The following PAM variants were observed in gnomAD, a reference collection of about 807,000 sequenced individuals.
PAM encodes peptidyl-glycine alpha-amidating monooxygenase.
In PAM, 72 loss-of-function variants were observed where a neutral mutation model predicts 122.1. The observed-to-expected ratio is 0.59, with a 90% CI of 0.49 to 0.72. The LOEUF (loss-of-function observed/expected upper bound fraction) is 0.72, where lower values mean the gene tolerates loss of function less well. PAM is among the 30% of genes least tolerant of loss of function. The probability of loss-of-function intolerance (pLI) is 0.00; values close to 1 mark genes in which losing one functional copy is unlikely to be tolerated. For missense variants in PAM, 1,106 were observed against 1,183.7 expected, an observed-to-expected ratio of 0.93 and a Z score of 0.96; for synonymous variants, 389 against 404.4, an observed-to-expected ratio of 0.96 and a Z score of 0.46.
intron 21 of PAM, among the ~76,000 whole-genome samples, chr5:103,016,210 C>T (rs1206792309): frequency 6.6e-6 from 1 of 152,112 alleles, no homozygotes; most frequent in African/African-American, 2.4e-5. Context: ...TCTCATTTTT[C>T]TTTTCAGTGT....
intron 7 of PAM, among the ~76,000 whole-genome samples, chr5:102,938,470 T>C (rs1754009179): frequency 6.6e-6 from 1 of 152,152 alleles, no homozygotes; most frequent in Non-Finnish European, 1.5e-5. Context: ...AATTCAACAT[T>C]GAGCAGAGCG....
intron 4 of PAM, among the ~76,000 whole-genome samples, chr5:102,903,965 C>T (rs1798778596): frequency 6.6e-6 from 1 of 151,478 alleles, no homozygotes; most frequent in African/African-American, 2.4e-5. Context: ...ACCATCTTAA[C>T]AAAACAAATA....
chr5:102,877,586 G>A (rs1012116278), intron 3 of PAM, among the ~76,000 whole-genome samples: 4 of 152,080 alleles, frequency 2.6e-5, no homozygotes, highest in African/African-American at 9.7e-5. Flanking sequence ...CTAGAAATAC[G>A]GCTGTAAACA....
intron 12 of PAM, among the ~76,000 whole-genome samples, chr5:102,954,458 A>T (rs1179018535): frequency 6.6e-6 from 1 of 151,834 alleles, no homozygotes; most frequent in Non-Finnish European, 1.5e-5. Context: ...AACTACTTTA[A>T]AAGTAGGTAT....
intron 1 of PAM, among the ~76,000 whole-genome samples, chr5:102,831,071 GCC>G (rs59666808): frequency 0.68 from 103,275 of 151,826 alleles, 35,364 homozygotes; most frequent in South Asian, 0.82. Flanking sequence ...TCACTTGGAG[GCC>G]ATAAATTTGA....
In PAM at chr5:103,029,330, A is replaced by T. The variant is rs1785887179; in HGVS notation, c.*265A>T. ...TTTTCCATCATAATTCTAATCTAAC[A>T]ATGGAAGATTTGCCCATTTACACTT... On this transcript the variant is annotated 3_prime_UTR_variant, in exon 26 of 26. Coordinates refer to ENST00000438793, the MANE Select transcript of PAM (RefSeq NM_001177306.2). 3.2e-6 allele frequency: 1 copy of T among 308,622 alleles called. No homozygotes were observed. The highest frequency in any genetic ancestry group is 2.1e-5 in the African/African-American group (1 of 46,594). The allele number at this position is 308,622 out of a possible 1,614,324, so 19.1% of individuals were successfully genotyped here.
intron 1 of PAM, among the ~76,000 whole-genome samples, chr5:102,820,841 T>G (rs1416012899): frequency 6.6e-6 from 1 of 152,104 alleles, no homozygotes; most frequent in Non-Finnish European, 1.5e-5. Context: ...GAACAAAGAA[T>G]AAAGGAATTA....
chr5:102,913,307 A>G (rs1012810698), intron 4 of PAM, among the ~76,000 whole-genome samples: 1 of 152,010 alleles, frequency 6.6e-6, no homozygotes, highest in South Asian at 2.1e-4. Flanking sequence ...AGAAAACGAG[A>G]AATGTCATTC....
rs548069224 is a variant in PAM at position 102,822,158 on chromosome 5, C to T, written c.-373-43665C>T. On this transcript the variant is annotated intron_variant, in intron 1 of 25. Transcript: ENST00000438793. ...AAAACCAAATAATAACGATTATGGC[C>T]GGCCCCCTGAGCACTTTCATTTTGC... 9.9e-4 allele frequency among the ~76,000 whole-genome samples: 151 copies of T among 152,274 alleles called. 1 individual carries two copies. Among genetic ancestry groups the T allele is most frequent in the South Asian group, 3.5e-3 (17 of 4,816 alleles).
rs192248690 is a variant in PAM, at chr5:102,780,578, C to T, written c.-374+25230C>T. On this transcript the variant is annotated intron_variant, in intron 1 of 25. Coordinates refer to ENST00000438793, the MANE Select transcript of PAM (RefSeq NM_001177306.2). ...CGTACTTCATTAAAAAAAGGTCGTG[C>T]ACATTGCATGGTGTACCTCCCGACT... Among the ~76,000 whole-genome samples the T allele has an allele frequency of 8.5e-5, 13 of 152,084 alleles. No homozygotes were observed. In the East Asian group the frequency reaches 2.5e-3, roughly 30 times the overall value.
intron 1 of PAM, among the ~76,000 whole-genome samples, chr5:102,801,729 A>G (rs1764743602): frequency 6.7e-6 from 1 of 149,334 alleles, no homozygotes; most frequent in Admixed American, 6.6e-5. Flanking sequence ...AAAATGCTCT[A>G]CATTTCCCTC....
chr5:102,830,882 G>T (rs1358863322), intron 1 of PAM, among the ~76,000 whole-genome samples: 1 of 99,030 alleles, frequency 1.0e-5, no homozygotes, highest in Non-Finnish European at 2.1e-5. Flanking sequence ...CTGTATTTTG[G>T]ATGTTTTGTT....
In PAM at chr5:102,865,943, A is replaced by G. The variant is rs901912734; in HGVS notation, c.-253A>G. On this transcript the variant is annotated 5_prime_UTR_variant, in exon 2 of 26. Transcript: ENST00000438793. ...AGGGCACGCGAGCGGCGCTGGAGGGAGGAAAGCTTCCGCCTGCGGGCCGGA... is the reference window on the plus strand; with the variant it reads ...AGGGCACGCGAGCGGCGCTGGAGGGGGGAAAGCTTCCGCCTGCGGGCCGGA... 1 of 418,016 alleles carries G rather than the reference A, an allele frequency of 2.4e-6. No homozygotes were observed. The highest frequency in any genetic ancestry group is 4.2e-6 in the Non-Finnish European group (1 of 239,300). 25.9% of individuals were successfully genotyped at this position (418,016 alleles called of 1,614,324 possible).
chr5:103,029,758 T>C (rs1479245034), downstream of PAM: 1 of 151,810 alleles, frequency 6.6e-6, no homozygotes, highest in Non-Finnish European at 1.5e-5. Context: ...TTGCAGATTT[T>C]ACATACAACT....
chr5:102,893,429 TG>T (rs891772823), intron 3 of PAM, among the ~76,000 whole-genome samples: 2 of 151,724 alleles, frequency 1.3e-5, no homozygotes, highest in Admixed American at 6.6e-5. Context: ...ATGATTTATG[TG>T]GGAGAGGAAT....
At chr5:102,953,312 A>G (rs893551309) in intron 12 of PAM, among the ~76,000 whole-genome samples, 3 of 152,170 alleles carry the variant, frequency 2.0e-5, no homozygotes, top group Non-Finnish European at 4.4e-5. Context: ...CTGAGTGTCC[A>G]TAAATGGATG....
chr5:102,772,679 G>C (rs1756127331), intron 1 of PAM, among the ~76,000 whole-genome samples: 1 of 152,036 alleles, frequency 6.6e-6, no homozygotes, highest in East Asian at 1.9e-4. Context: ...CACTTATACA[G>C]CTATAAAATA....
Position 103,003,070 on chromosome 5 carries a change from C to A in PAM, c.1651C>A (p.Leu551Ile). 6.2e-7 allele frequency: 1 copy of A among 1,605,788 alleles called. No individual in the cohort carries two copies. The highest frequency in any genetic ancestry group is 8.5e-7 in the Non-Finnish European group (1 of 1,172,672). The change falls in exon 17 of 26, where the codon CTC becomes ATC. Residue 551 changes from leucine (L) to isoleucine (I), a missense_variant. Leu to Ile is a conservative substitution (Grantham distance 5, BLOSUM62 2). Coordinates refer to ENST00000438793, the MANE Select transcript of PAM (RefSeq NM_001177306.2). ...DSKFVYQQIG[L>I]GPIEEDTILV... is the part of the protein sequence containing the mutation. Reference sequence around the variant, plus strand: ...CAAGTTTGTTTACCAGCAAATAGGACTCGGACCAATTGAAGAAGACACTAT... The same window carrying A: ...CAAGTTTGTTTACCAGCAAATAGGAATCGGACCAATTGAAGAAGACACTAT...
intron 1 of PAM, among the ~76,000 whole-genome samples, chr5:102,756,538 T>A (rs1038430731): frequency 4.6e-5 from 7 of 152,270 alleles, no homozygotes; most frequent in Non-Finnish European, 1.0e-4. Context: ...AAGGATACTT[T>A]CATTTTAGTA....
Sources: gnomAD v4.1 joint callset for allele counts (sites outside exome capture counted in the v4.1 genomes callset) on GRCh38, gnomAD v4.1.1 for gene constraint, MANE v1.5 for transcripts, NCBI Gene and HGNC (gene_info 2026-07-23, HGNC 2026-07-21) for gene names.